The following RBPJ variants were observed in gnomAD, a reference collection of about 807,000 sequenced individuals.
The protein encoded by RBPJ is recombining binding protein suppressor of hairless.
RBPJ carries 9 observed loss-of-function variants against 67.8 expected under a neutral mutation model. The observed-to-expected ratio is 0.13, with a 90% confidence interval of 0.08 to 0.23. The LOEUF (loss-of-function observed/expected upper bound fraction) is 0.23, where lower values mean the gene tolerates loss of function less well. RBPJ is among the 10% of genes least tolerant of loss of function. The probability of loss-of-function intolerance (pLI) is 1.00; values close to 1 mark genes in which losing one functional copy is unlikely to be tolerated. For synonymous variants in RBPJ, 198 were observed against 203.3 expected (o/e 0.97, Z 0.22); for missense variants, 305 against 595.6 (o/e 0.51, Z 5.08).
chr4:26,159,164 G>A (rs200294946), upstream of RBPJ, among the ~76,000 whole-genome samples: 1 of 152,192 alleles, frequency 6.6e-6, no homozygotes, highest in East Asian at 1.9e-4. Flanking sequence ...GAAGAAGGTA[G>A]GAGATACTCA....
intron 2 of RBPJ, among the ~76,000 whole-genome samples, chr4:26,393,117 G>A (rs1266694629): frequency 6.6e-6 from 1 of 152,102 alleles, no homozygotes; most frequent in Non-Finnish European, 1.5e-5. Flanking sequence ...AAGGTGCTGG[G>A]ATTACAGGTG....
At chr4:26,334,752 C>T (rs1261436141) in intron 1 of RBPJ, among the ~76,000 whole-genome samples, 1 of 152,194 alleles carries the variant, frequency 6.6e-6, no homozygotes, top group East Asian at 1.9e-4. Context: ...TTTCAGTCAT[C>T]AGCCTATTTC....
At chr4:26,388,761 A>T (rs1043098972) in intron 2 of RBPJ, among the ~76,000 whole-genome samples, 6 of 152,244 alleles carry the variant, frequency 3.9e-5, no homozygotes, top group Non-Finnish European at 5.9e-5. Flanking sequence ...AATGAAGCAC[A>T]CAAAGAAAAA....
rs1350809037 is a variant in RBPJ at position 26,434,586 on chromosome 4, GAC to G, written c.*3580_*3581del. 1.3e-5 allele frequency: 2 copies of G among 152,168 alleles called. No homozygotes were observed. Among genetic ancestry groups the G allele is most frequent in the African/African-American group, 4.8e-5 (2 of 41,444 alleles). The allele number at this position is 152,168 out of a possible 1,614,324, so 9.4% of individuals were successfully genotyped here. On this transcript the variant is annotated 3_prime_UTR_variant, in exon 11 of 11. Coordinates refer to ENST00000355476, the MANE Select transcript of RBPJ (RefSeq NM_015874.6). Reference sequence around the variant, plus strand: ...TAGGGTTTCTGTTTAACCCTTTCAGGACTGAACTGTATCTCCTTTTGTTAATT... The same window carrying G: ...TAGGGTTTCTGTTTAACCCTTTCAGGTGAACTGTATCTCCTTTTGTTAATT...
chr4:26,371,109 T>C (rs376330656), intron 1 of RBPJ, among the ~76,000 whole-genome samples: 1 of 151,956 alleles, frequency 6.6e-6, no homozygotes, highest in African/African-American at 2.4e-5. Context: ...GAAAAGTTAA[T>C]GTCAACTTAC....
chr4:26,174,029 C>T (rs1340057181), intron 1 of RBPJ, among the ~76,000 whole-genome samples: 3 of 152,174 alleles, frequency 2.0e-5, no homozygotes, highest in Admixed American at 6.5e-5. Flanking sequence ...GCAAGCAATG[C>T]GTTAGAAGTT....
chr4:26,354,677 T>C (rs1452466130), intron 1 of RBPJ, among the ~76,000 whole-genome samples: 1 of 152,016 alleles, frequency 6.6e-6, no homozygotes, highest in Non-Finnish European at 1.5e-5. Context: ...CATGAACTCC[T>C]GACCTCAAAT....
chr4:26,365,607 T>C (rs1021324866), intron 1 of RBPJ, among the ~76,000 whole-genome samples: 1 of 152,252 alleles, frequency 6.6e-6, no homozygotes, highest in Non-Finnish European at 1.5e-5. Flanking sequence ...TATCCACATT[T>C]ATGTGGATAT....
chr4:26,334,603 A>G (rs1724615568), intron 1 of RBPJ, among the ~76,000 whole-genome samples: 2 of 151,942 alleles, frequency 1.3e-5, no homozygotes, highest in South Asian at 2.1e-4. Context: ...TCCTTTCTTA[A>G]CTCAAGCTAC....
chr4:26,155,422 T>TTC, the RBPJ span, among the ~76,000 whole-genome samples: 11 of 151,010 alleles, frequency 7.3e-5, no homozygotes, highest in African/African-American at 2.4e-4. Context: ...CTTTTTAGTT[T>TTC]TCTCTCTCTC....
At chr4:26,425,499 A>G (rs765820952) in intron 7 of RBPJ, among the ~76,000 whole-genome samples, 1 of 151,960 alleles carries the variant, frequency 6.6e-6, no homozygotes, top group Non-Finnish European at 1.5e-5. Flanking sequence ...GCACACCTGT[A>G]GTCTCAAGCT....
At chr4:26,146,014 A>G in the RBPJ span, among the ~76,000 whole-genome samples, 1 of 152,156 alleles carries the variant, frequency 6.6e-6, no homozygotes, top group Non-Finnish European at 1.5e-5. Flanking sequence ...ATAGGTCACT[A>G]CAGCCTTGAC....
chr4:26,270,449 AAAG>A (rs1301505877), intron 1 of RBPJ, among the ~76,000 whole-genome samples: 3 of 146,312 alleles, frequency 2.1e-5, no homozygotes, highest in East Asian at 2.0e-4. Context: ...AGAAAGAAAG[AAAG>A]AAAGAAAAGA....
At chr4:26,280,706 T>C (rs1721247234) in intron 1 of RBPJ, among the ~76,000 whole-genome samples, 1 of 152,182 alleles carries the variant, frequency 6.6e-6, no homozygotes. Flanking sequence ...ATGGTTAAAA[T>C]GGCAAATTTT....
intron 1 of RBPJ, among the ~76,000 whole-genome samples, chr4:26,275,568 A>G (rs1419889757): frequency 6.6e-6 from 1 of 152,256 alleles, no homozygotes; most frequent in Admixed American, 6.5e-5. Flanking sequence ...CATCCAGGAA[A>G]GAGGTATCTT....
upstream of RBPJ, among the ~76,000 whole-genome samples, chr4:26,319,452 G>A (rs1161738558): frequency 3.0e-5 from 4 of 134,612 alleles, no homozygotes; most frequent in Non-Finnish European, 4.7e-5. Flanking sequence ...CCGCCTCCGC[G>A]GCAAGCCGCT....
chr4:26,379,602 A>G (rs186715536), intron 1 of RBPJ, among the ~76,000 whole-genome samples: 3 of 152,246 alleles, frequency 2.0e-5, no homozygotes, highest in Admixed American at 2.0e-4. Context: ...CTATCATGAG[A>G]ACAGCATGGG....
chr4:26,265,154 G>A (rs1720661701), intron 1 of RBPJ, among the ~76,000 whole-genome samples: 1 of 152,162 alleles, frequency 6.6e-6, no homozygotes, highest in Non-Finnish European at 1.5e-5. Context: ...TAGAAGGTGA[G>A]GGGTGGAACT....
rs577235081 is a variant in RBPJ at position 26,183,825 on chromosome 4, A to C, written c.-167+20211A>C. Among the ~76,000 whole-genome samples, 56 of 152,284 alleles carry C rather than the reference A, an allele frequency of 3.7e-4. 1 individual carries two copies. Among genetic ancestry groups the C allele is most frequent in the Admixed American group, 7.9e-4 (12 of 15,286 alleles). On this transcript the variant is annotated intron_variant, in intron 1 of 4. Transcript: ENST00000512351. ...CAGGAGTTTGAGACCAGCCTGGCCA[A>C]CATGGTGAAATCCCTTTTCTACTAA... is the stretch of plus-strand genomic sequence containing the variant.
Sources: gnomAD v4.1 joint callset for allele counts (sites outside exome capture counted in the v4.1 genomes callset) on GRCh38, gnomAD v4.1.1 for gene constraint, MANE v1.5 for transcripts, NCBI Gene and HGNC (gene_info 2026-07-23, HGNC 2026-07-21) for gene names.